KHDRBS2: variants seen among roughly 807,000 people sequenced by gnomAD.
The protein encoded by KHDRBS2 is KH domain-containing, RNA-binding, signal transduction-associated protein 2.
In KHDRBS2, 26 loss-of-function variants were observed where a neutral mutation model predicts 44.3. The ratio of observed to expected loss-of-function variants is 0.59; its 90% CI spans 0.43 to 0.81. The LOEUF (loss-of-function observed/expected upper bound fraction) is 0.81. KHDRBS2 is among the 40% of genes least tolerant of loss of function. The pLI is 0.00. For missense variants in KHDRBS2, 476 were observed against 433.1 expected, an observed-to-expected ratio of 1.10 and a Z score of -0.88; for synonymous variants, 194 against 151.1, an observed-to-expected ratio of 1.28 and a Z score of -2.08.
At chr6:62,131,107 C>A (rs1253385619) in intron 2 of KHDRBS2, among the ~76,000 whole-genome samples, 1 of 151,952 alleles carries the variant, frequency 6.6e-6, no homozygotes, top group Non-Finnish European at 1.5e-5. Context: ...ATCTTGTAAT[C>A]AGAATTTATG....
At chr6:61,948,964 G>A (rs1181042148) in intron 4 of KHDRBS2, among the ~76,000 whole-genome samples, 2 of 151,988 alleles carry the variant, frequency 1.3e-5, no homozygotes, top group African/African-American at 4.8e-5. Context: ...ATCCACCCAT[G>A]GGAGCTACCT....
At chr6:61,782,219 A>T (rs1783038514) in intron 6 of KHDRBS2, among the ~76,000 whole-genome samples, 1 of 152,080 alleles carries the variant, frequency 6.6e-6, no homozygotes, top group African/African-American at 2.4e-5. Context: ...TAATGAATAG[A>T]TGAGGCAGCA....
chr6:61,873,806 G>T (rs1180560648), intron 6 of KHDRBS2, among the ~76,000 whole-genome samples: 1 of 151,748 alleles, frequency 6.6e-6, no homozygotes, highest in Non-Finnish European at 1.5e-5. Context: ...AGTTTAGAAA[G>T]AAATAAACTA....
intron 1 of KHDRBS2, among the ~76,000 whole-genome samples, chr6:62,265,559 G>C (rs1309433084): frequency 6.6e-6 from 1 of 152,100 alleles, no homozygotes; most frequent in East Asian, 1.9e-4. Context: ...ATTGAGGAAG[G>C]ATTAAGAAAA....
chr6:61,731,582 C>A (rs927855791), intron 7 of KHDRBS2, among the ~76,000 whole-genome samples: 1 of 151,984 alleles, frequency 6.6e-6, no homozygotes, highest in Non-Finnish European at 1.5e-5. Flanking sequence ...ACTATAATGA[C>A]CTTTAAGTTG....
At chr6:62,151,746 A>G (rs1427944321) in intron 2 of KHDRBS2, among the ~76,000 whole-genome samples, 5 of 152,208 alleles carry the variant, frequency 3.3e-5, no homozygotes, top group African/African-American at 1.2e-4. Context: ...AAGTAATGCA[A>G]CATAACTGAA....
chr6:61,868,681 C>A (rs1315913879), intron 6 of KHDRBS2, among the ~76,000 whole-genome samples: 1 of 151,992 alleles, frequency 6.6e-6, no homozygotes, highest in Non-Finnish European at 1.5e-5. Flanking sequence ...CCAAAGCCTG[C>A]AGCCTGTTTG....
At chr6:62,084,842 A>G (rs1175660541) in intron 2 of KHDRBS2, among the ~76,000 whole-genome samples, 1 of 152,158 alleles carries the variant, frequency 6.6e-6, no homozygotes, top group East Asian at 1.9e-4. Flanking sequence ...CCATTACAGA[A>G]ATACGATTTT....
At chr6:62,104,995 G>C (rs1266869177) in intron 2 of KHDRBS2, among the ~76,000 whole-genome samples, 1 of 151,966 alleles carries the variant, frequency 6.6e-6, no homozygotes, top group Admixed American at 6.6e-5. Flanking sequence ...AGGAAAATAA[G>C]AGAATATCAT....
chr6:61,634,604 C>T, the KHDRBS2 span, among the ~76,000 whole-genome samples: 1 of 152,024 alleles, frequency 6.6e-6, no homozygotes, highest in Non-Finnish European at 1.5e-5. Flanking sequence ...TAGCTAAATT[C>T]TCCCCATGAT....
At chr6:62,119,415 A>G (rs189100707) in intron 2 of KHDRBS2, among the ~76,000 whole-genome samples, 4 of 152,326 alleles carry the variant, frequency 2.6e-5, no homozygotes, top group Non-Finnish European at 4.4e-5. Context: ...GCACAAACTA[A>G]GCCTCACATC....
the KHDRBS2 span, among the ~76,000 whole-genome samples, chr6:61,549,999 T>C: frequency 1.7e-4 from 26 of 152,190 alleles, no homozygotes; most frequent in Admixed American, 3.3e-4. Flanking sequence ...TAAAAAGACA[T>C]GAATATTTAT....
intron 8 of KHDRBS2, among the ~76,000 whole-genome samples, chr6:61,696,223 A>T (rs1582209201): frequency 1.6e-5 from 2 of 128,584 alleles, no homozygotes; most frequent in East Asian, 4.3e-4. Flanking sequence ...TCAGCTAGTG[A>T]TGCCATATAT....
rs1169201597 is a variant in KHDRBS2, at chr6:62,110,439, C to G, written c.220-62445G>C. Reference sequence around the variant, plus strand: ...GAAAGAAACCAAACCTGGGAACAACCTAAATTTGTTCATCACATCAATGAA... The same window carrying G: ...GAAAGAAACCAAACCTGGGAACAACGTAAATTTGTTCATCACATCAATGAA... On this transcript the variant is annotated intron_variant, in intron 2 of 8. Transcript: ENST00000281156. Among the ~76,000 whole-genome samples the G allele has an allele frequency of 3.9e-5, 6 of 151,962 alleles. No individual in the cohort carries two copies. In the East Asian group the frequency reaches 1.2e-3, roughly 29 times the overall value.
Position 61,737,104 on chromosome 6 carries a change from G to T in KHDRBS2, c.811-4340C>A, listed in dbSNP as rs561044950. On this transcript the variant is annotated intron_variant, in intron 6 of 8. Coordinates refer to ENST00000281156, the MANE Select transcript of KHDRBS2 (RefSeq NM_152688.4). ...TAACACAAATTAATCACAGCTAAAAGATAAATGTTTCAAATGATAAATATA... is the reference window on the plus strand; with the variant it reads ...TAACACAAATTAATCACAGCTAAAATATAAATGTTTCAAATGATAAATATA... Among the ~76,000 whole-genome samples the T allele has an allele frequency of 3.3e-5, 5 of 152,118 alleles. No homozygotes were observed. In the South Asian group the frequency reaches 1.0e-3, roughly 32 times the overall value.
intron 2 of KHDRBS2, among the ~76,000 whole-genome samples, chr6:62,107,343 A>T (rs565274094): frequency 6.6e-6 from 1 of 152,348 alleles, no homozygotes; most frequent in East Asian, 1.9e-4. Context: ...CCCATTCACA[A>T]TTACTTCAAA....
At position 62,017,483 on chromosome 6, in the gene KHDRBS2, C is replaced by T. The variant is rs552963777; in HGVS notation, c.336+30395G>A. On this transcript the variant is annotated intron_variant, in intron 3 of 8. Coordinates refer to ENST00000281156, the MANE Select transcript of KHDRBS2 (RefSeq NM_152688.4). ...GTTATATGAGAAAAAAATAATGCTA[C>T]CCATTTATTGTCTTTGAACTGACTC... Among the ~76,000 whole-genome samples, 3 of 152,122 alleles carry T rather than the reference C, an allele frequency of 2.0e-5. No homozygotes were observed. The South Asian group carries it at 6.2e-4, about 32-fold the overall frequency.
At chr6:62,072,784 A>G (rs1313435407) in intron 2 of KHDRBS2, among the ~76,000 whole-genome samples, 2 of 151,982 alleles carry the variant, frequency 1.3e-5, no homozygotes, top group African/African-American at 4.8e-5. Context: ...TTCATCAGGG[A>G]TATTGGTCTA....
At chr6:62,246,187 T>C (rs1329329182) in intron 1 of KHDRBS2, among the ~76,000 whole-genome samples, 84 of 149,628 alleles carry the variant, frequency 5.6e-4, no homozygotes, top group African/African-American at 1.8e-3. Context: ...GTTTTATCTG[T>C]AAAAGAGTGC....
Sources: gnomAD v4.1 joint callset for allele counts (sites outside exome capture counted in the v4.1 genomes callset) on GRCh38, gnomAD v4.1.1 for gene constraint, MANE v1.5 for transcripts, NCBI Gene and HGNC (gene_info 2026-07-23, HGNC 2026-07-21) for gene names.